Variants in CCDC14 observed in about 807,000 individuals in gnomAD.
CCDC14 encodes the protein coiled-coil domain-containing protein 14.
CCDC14 carries 71 observed loss-of-function variants against 81.4 expected under a neutral mutation model. The observed-to-expected ratio is 0.87, with a 90% confidence interval of 0.72 to 1.06. CCDC14 has a LOEUF of 1.06. CCDC14 is among the 50% of genes least tolerant of loss of function. The probability of loss-of-function intolerance (pLI) is 0.00; values close to 1 mark genes in which losing one functional copy is unlikely to be tolerated. For synonymous variants in CCDC14, 332 were observed against 364.8 expected, an observed-to-expected ratio of 0.91 and a Z score of 1.03; for missense variants, 1,046 against 1,047.3, an observed-to-expected ratio of 1.00 and a Z score of 0.02.
intron 9 of CCDC14, among the ~76,000 whole-genome samples, chr3:123,934,342 TTTG>T (rs928322670): frequency 9.2e-5 from 14 of 151,452 alleles, no homozygotes; most frequent in East Asian, 1.9e-4. Flanking sequence ...TCTTCAGTGA[TTTG>T]TTGTTTTTTT....
chr3:123,955,924 GT>G lies in CCDC14; in HGVS notation c.270del (p.Arg90SerfsTer3), dbSNP rs1235422152. On this transcript the variant is annotated frameshift_variant, in exon 5 of 13. Coordinates refer to ENST00000409697, the MANE Select transcript of CCDC14 (RefSeq NM_001366335.1). LOFTEE classifies it high-confidence loss of function. ...GATCCGTATCTTTTGCTTTCTAAAG[GT>G]CTAGAATTAGATCTGTTTTCTAAAT... Reference protein sequence around the residue: ...TAYLENRSNSRPLESKRYGSK... With the variant: ...TAYLENRSNSXPLESKRYGSK... The G allele has an allele frequency of 6.1e-5, 94 of 1,532,700 alleles. No individual in the cohort carries two copies. The highest frequency in any genetic ancestry group is 8.3e-5 in the Non-Finnish European group (94 of 1,135,132). 94.9% of individuals were successfully genotyped at this position (1,532,700 alleles called of 1,614,324 possible).
chr3:123,895,013 T>A (rs2034037926), downstream of CCDC14, among the ~76,000 whole-genome samples: 1 of 152,184 alleles, frequency 6.6e-6, no homozygotes, highest in South Asian at 2.1e-4. Flanking sequence ...TAGCACATTA[T>A]AATGTCTGGT....
intron 9 of CCDC14, among the ~76,000 whole-genome samples, chr3:123,940,651 C>T (rs1470601496): frequency 6.6e-6 from 1 of 151,990 alleles, no homozygotes; most frequent in African/African-American, 2.4e-5. Flanking sequence ...CACACTCTAC[C>T]TTCTTGGTGA....
chr3:123,959,301 T>C (rs2037529818), intron 1 of CCDC14, among the ~76,000 whole-genome samples: 1 of 152,194 alleles, frequency 6.6e-6, no homozygotes, highest in Admixed American at 6.5e-5. Context: ...TGCCAACACT[T>C]GTTTTCATTT....
chr3:123,890,157 TC>T, the CCDC14 span, among the ~76,000 whole-genome samples: 6 of 151,906 alleles, frequency 3.9e-5, no homozygotes, highest in Non-Finnish European at 7.4e-5. Flanking sequence ...GAAGGACCCA[TC>T]CCCATGACTC....
intron 12 of CCDC14, among the ~76,000 whole-genome samples, chr3:123,929,773 T>A (rs1431014047): frequency 6.6e-6 from 1 of 152,198 alleles, no homozygotes; most frequent in Non-Finnish European, 1.5e-5. Flanking sequence ...CCTGGGTTCC[T>A]CCAGCCCCTG....
downstream of CCDC14, among the ~76,000 whole-genome samples, chr3:123,910,010 CTG>C (rs1431312023): frequency 2.0e-5 from 3 of 152,088 alleles, no homozygotes; most frequent in Non-Finnish European, 4.4e-5. Flanking sequence ...AAAAGCAGAC[CTG>C]GCTTCAAGGA....
intron 5 of CCDC14, among the ~76,000 whole-genome samples, chr3:123,906,881 T>C (rs1189924274): frequency 6.6e-6 from 1 of 152,242 alleles, no homozygotes; most frequent in African/African-American, 2.4e-5. Context: ...TTTGCCTTCA[T>C]TTCTGAGATG....
intron 12 of CCDC14, 105 bp from the exon 13 acceptor site, chr3:123,915,823 GT>G: frequency 3.5e-6 from 3 of 845,284 alleles, no homozygotes; most frequent in Non-Finnish European, 5.3e-6. Context: ...GAAGTGTCTG[GT>G]TCTTAATATG....
At chr3:123,895,369 T>C (rs2034044675), downstream of CCDC14, among the ~76,000 whole-genome samples, 1 of 152,178 alleles carries the variant, frequency 6.6e-6, no homozygotes, top group South Asian at 2.1e-4. Flanking sequence ...GATGTCACAA[T>C]TTATTAATCT....
intron 5 of CCDC14, among the ~76,000 whole-genome samples, chr3:123,907,546 CAA>C (rs1387020348): frequency 6.7e-6 from 1 of 149,188 alleles, no homozygotes. Context: ...TGTCTCCACA[CAA>C]AAAAAAAAAA....
At chr3:123,900,572 C>T (rs984972546) in intron 5 of CCDC14, among the ~76,000 whole-genome samples, 4 of 152,268 alleles carry the variant, frequency 2.6e-5, no homozygotes, top group Non-Finnish European at 1.5e-5. Context: ...GACGTTCTAT[C>T]GGGAAAGTTC....
At chr3:123,950,535 G>A (rs2148937717) in intron 5 of CCDC14, among the ~76,000 whole-genome samples, 1 of 152,292 alleles carries the variant, frequency 6.6e-6, no homozygotes. Flanking sequence ...AAACACAAGG[G>A]CGCACAGTGT....
intron 12 of CCDC14, among the ~76,000 whole-genome samples, chr3:123,921,880 G>C (rs1366135852): frequency 5.9e-5 from 9 of 152,222 alleles, no homozygotes. Context: ...AGACCAAATA[G>C]ATCTCATAGA....
intron 12 of CCDC14, among the ~76,000 whole-genome samples, chr3:123,927,184 C>T (rs560260375): frequency 1.5e-4 from 23 of 150,314 alleles, no homozygotes; most frequent in African/African-American, 5.6e-4. Context: ...GGTGGGAGAA[C>T]TGCTTGAGCC....
chr3:123,937,490 A>T (rs1231956091), intron 9 of CCDC14, among the ~76,000 whole-genome samples: 1 of 151,916 alleles, frequency 6.6e-6, no homozygotes, highest in Non-Finnish European at 1.5e-5. Context: ...GTGTCTGTTC[A>T]AATATTTTGC....
At chr3:123,956,513 G>A (rs2037335800) in intron 2 of CCDC14, 86 bp from the exon 3 acceptor site, 1 of 999,830 alleles carries the variant, frequency 1.0e-6, no homozygotes, top group Non-Finnish European at 1.5e-6. Flanking sequence ...GCAAAGACAA[G>A]AAAGCTTGTC....
chr3:123,922,433 GT>G (rs920330151), intron 12 of CCDC14, among the ~76,000 whole-genome samples: 3 of 151,990 alleles, frequency 2.0e-5, no homozygotes, highest in African/African-American at 7.2e-5. Context: ...AACTGAGTTT[GT>G]TTTTTTGGGA....
intron 9 of CCDC14, among the ~76,000 whole-genome samples, chr3:123,936,808 T>C (rs576735734): frequency 3.1e-4 from 47 of 152,176 alleles, no homozygotes; most frequent in African/African-American, 1.1e-3. Context: ...TGTTTACCTA[T>C]GTAACAAACC....
Sources: gnomAD v4.1 joint callset for allele counts (sites outside exome capture counted in the v4.1 genomes callset) on GRCh38, gnomAD v4.1.1 for gene constraint, MANE v1.5 for transcripts, NCBI Gene and HGNC (gene_info 2026-07-23, HGNC 2026-07-21) for gene names.